The following TIAM1 variants were observed in gnomAD, a reference collection of about 807,000 sequenced individuals.
TIAM1 encodes TIAM Rac1 associated GEF 1.
TIAM1 carries 65 observed loss-of-function variants against 163.5 expected under a neutral mutation model. The observed-to-expected ratio is 0.40, with a 90% CI of 0.33 to 0.49. The LOEUF (loss-of-function observed/expected upper bound fraction) is 0.49, where lower values mean the gene tolerates loss of function less well. Among genes scored for constraint, TIAM1 ranks in the 20% least tolerant of loss-of-function variants. The probability of loss-of-function intolerance (pLI) is 0.77; values close to 1 mark genes in which losing one functional copy is unlikely to be tolerated. For missense variants in TIAM1, 1,789 were observed against 2,044.7 expected (o/e 0.87, Z 2.41); for synonymous variants, 833 against 810.1 (o/e 1.03, Z -0.48).
intron 1 of TIAM1, among the ~76,000 whole-genome samples, chr21:31,487,714 C>T (rs900930448): frequency 1.7e-4 from 26 of 151,816 alleles, no homozygotes; most frequent in African/African-American, 4.8e-4. Flanking sequence ...CCCGCCACCG[C>T]GCCCGGCTAA....
Position 31,225,774 on chromosome 21 carries a change from C to T in TIAM1, c.1761G>A (p.Gln587=), listed in dbSNP as rs2087924569. 1 of 1,613,800 alleles carries T rather than the reference C, an allele frequency of 6.2e-7. No individual in the cohort carries two copies. The highest frequency in any genetic ancestry group is 8.5e-7 in the Non-Finnish European group (1 of 1,180,036). The change falls in exon 7 of 28, where the codon CAG becomes CAA. Residue 587 remains glutamine, a synonymous_variant. Transcript: ENST00000541036. ...TCTTTGAGTCAGTGACTGAAGACAGCTGCATTTCACCCATTTTCTTCATCT... is the reference window on the plus strand; with the variant it reads ...TCTTTGAGTCAGTGACTGAAGACAGTTGCATTTCACCCATTTTCTTCATCT... ...DEKMKKMGEM[Q]LSSVTDSKKK...
intron 1 of TIAM1, among the ~76,000 whole-genome samples, chr21:31,533,194 A>G (rs10439660): frequency 0.38 from 57,583 of 151,804 alleles, 11,301 homozygotes; most frequent in African/African-American, 0.43. Flanking sequence ...GGTGGCACGC[A>G]CCTGTAATCC....
At chr21:31,283,404 T>C (rs2073655950) in intron 2 of TIAM1, among the ~76,000 whole-genome samples, 1 of 152,216 alleles carries the variant, frequency 6.6e-6, no homozygotes, top group Admixed American at 6.5e-5. Context: ...TAGGAATGGT[T>C]CAAATGAGGC....
intron 1 of TIAM1, among the ~76,000 whole-genome samples, chr21:31,533,591 G>T (rs1383115112): frequency 6.6e-6 from 1 of 151,988 alleles, no homozygotes; most frequent in Non-Finnish European, 1.5e-5. Context: ...TAATTAGCCA[G>T]GGGTGGTGGT....
Position 31,172,244 on chromosome 21 carries a change from G to A in TIAM1, c.2888-7179C>T, listed in dbSNP as rs146979748. On this transcript the variant is annotated intron_variant, in intron 15 of 27. Transcript: ENST00000541036. ...GCATTGTTCTCACTCCCATACTTGAGGGCCTTCTCTAAACACTCCCAGCTT... is the reference window on the plus strand; with the variant it reads ...GCATTGTTCTCACTCCCATACTTGAAGGCCTTCTCTAAACACTCCCAGCTT... Among the ~76,000 whole-genome samples, 136 of 152,188 alleles carry A rather than the reference G, an allele frequency of 8.9e-4. 4 individuals are homozygous for A. The East Asian group carries it at 0.025, about 28-fold the overall frequency.
At chr21:31,315,636 C>CCTGCA (rs2075091676) in intron 2 of TIAM1, among the ~76,000 whole-genome samples, 1 of 144,844 alleles carries the variant, frequency 6.9e-6, no homozygotes, top group South Asian at 2.2e-4. Flanking sequence ...ACATAGCGCC[C>CCTGCA]CTGCACTCCT....
At chr21:31,442,070 A>AATATATATATATATATAT (rs138822110) in intron 2 of TIAM1, among the ~76,000 whole-genome samples, 1,001 of 53,148 alleles carry the variant, frequency 0.019, 154 homozygotes, top group South Asian at 0.024. Flanking sequence ...CAAATAAATA[A>AATATATATATATATATAT]ATATATATAT....
Position 31,519,305 on chromosome 21 carries a change from CAAAAAAAAAAAA to C in TIAM1, c.-422+39610_-422+39621del, listed in dbSNP as rs369132676. On this transcript the variant is annotated intron_variant, in intron 1 of 28. Coordinates refer to the TIAM1 transcript ENST00000286827. ...GGGCAACAAGAGTGAAACTCTGTCT[CAAAAAAAAAAAA>C]AAAAAAAAAAAGAAACCTCGCCTCT... 7.4e-3 allele frequency among the ~76,000 whole-genome samples: 395 copies of C among 53,128 alleles called. 3 individuals carry two copies. The highest frequency in any genetic ancestry group is 0.03 in the African/African-American group (382 of 12,804). 34.9% of individuals were successfully genotyped at this position (53,128 alleles called of 152,430 possible).
chr21:31,228,919 GA>G (rs986799082), intron 6 of TIAM1, among the ~76,000 whole-genome samples: 3 of 152,094 alleles, frequency 2.0e-5, no homozygotes, highest in Non-Finnish European at 2.9e-5. Context: ...AAGCAGGGGG[GA>G]AAGCCCCTTA....
intron 1 of TIAM1, among the ~76,000 whole-genome samples, chr21:31,511,441 T>G (rs559181536): frequency 6.6e-6 from 1 of 152,332 alleles, no homozygotes; most frequent in South Asian, 2.1e-4. Flanking sequence ...GTCTGTCCCT[T>G]ACCAGACATC....
chr21:31,188,349 A>C (rs9636849), intron 13 of TIAM1, among the ~76,000 whole-genome samples: 1 of 152,334 alleles, frequency 6.6e-6, no homozygotes, highest in East Asian at 1.9e-4. Context: ...TTAAGTGTCA[A>C]GAAGCCCTGC....
chr21:31,389,682 G>A (rs1487730123), intron 2 of TIAM1, among the ~76,000 whole-genome samples: 4 of 152,340 alleles, frequency 2.6e-5, no homozygotes, highest in East Asian at 3.9e-4. Flanking sequence ...AGTCCCATGC[G>A]TTGGATACTA....
chr21:31,169,681 A>G (rs1601398277), intron 15 of TIAM1, among the ~76,000 whole-genome samples: 1 of 152,176 alleles, frequency 6.6e-6, no homozygotes, highest in East Asian at 1.9e-4. Flanking sequence ...CTGGTATACA[A>G]GCGAAAATGA....
At chr21:31,538,830 A>G (rs2048224128) in intron 1 of TIAM1, among the ~76,000 whole-genome samples, 1 of 152,236 alleles carries the variant, frequency 6.6e-6, no homozygotes, top group Admixed American at 6.5e-5. Flanking sequence ...TCGCTGAAAC[A>G]AAAGACCAAA....
intron 1 of TIAM1, among the ~76,000 whole-genome samples, chr21:31,514,352 T>C (rs983338096): frequency 7.2e-5 from 11 of 152,024 alleles, no homozygotes; most frequent in African/African-American, 2.7e-4. Flanking sequence ...TAGCCACCAA[T>C]TGCTCAGGGC....
intron 2 of TIAM1, among the ~76,000 whole-genome samples, chr21:31,380,131 G>A (rs1290599368): frequency 1.3e-5 from 2 of 151,726 alleles, no homozygotes; most frequent in African/African-American, 4.8e-5. Context: ...AGGCATGGTG[G>A]TGCACACCTG....
At chr21:31,490,561 C>G (rs960277927) in intron 1 of TIAM1, among the ~76,000 whole-genome samples, 3 of 152,122 alleles carry the variant, frequency 2.0e-5, no homozygotes, top group Admixed American at 2.0e-4. Context: ...CTCAGGGAAC[C>G]GCCGCTGCCC....
At chr21:31,492,015 C>T (rs946197160) in intron 1 of TIAM1, among the ~76,000 whole-genome samples, 3 of 152,050 alleles carry the variant, frequency 2.0e-5, no homozygotes, top group Non-Finnish European at 2.9e-5. Flanking sequence ...CCTGAGACTA[C>T]ATAAGCATTA....
chr21:31,479,058 A>G (rs2046024234), intron 1 of TIAM1, among the ~76,000 whole-genome samples: 1 of 152,258 alleles, frequency 6.6e-6, no homozygotes, highest in Admixed American at 6.5e-5. Context: ...CCTGGTGGGA[A>G]CAAGCAACTA....
Sources: gnomAD v4.1 joint callset for allele counts (sites outside exome capture counted in the v4.1 genomes callset) on GRCh38, gnomAD v4.1.1 for gene constraint, MANE v1.5 for transcripts, NCBI Gene and HGNC (gene_info 2026-07-23, HGNC 2026-07-21) for gene names.